The following MARCHF1 variants were observed in gnomAD, a reference collection of about 807,000 sequenced individuals.
MARCHF1 encodes the protein E3 ubiquitin-protein ligase MARCHF1.
Under a neutral mutation model 54.2 loss-of-function variants are expected in MARCHF1, and 40 were observed. The ratio of observed to expected loss-of-function variants is 0.74; its 90% CI spans 0.57 to 0.96. The LOEUF (loss-of-function observed/expected upper bound fraction) is 0.96. Among genes scored for constraint, MARCHF1 ranks in the 40% least tolerant of loss-of-function variants. MARCHF1 has a pLI of 0.00. For missense variants in MARCHF1, 586 were observed against 656.5 expected (o/e 0.89, Z 1.17); for synonymous variants, 236 against 236.3 (o/e 1.00, Z 0.01).
At chr4:164,096,483 G>A (rs1755415194) in intron 2 of MARCHF1, among the ~76,000 whole-genome samples, 1 of 151,914 alleles carries the variant, frequency 6.6e-6, no homozygotes, top group African/African-American at 2.4e-5. Context: ...CATTATCTGG[G>A]TGATGGAATA....
intron 5 of MARCHF1, among the ~76,000 whole-genome samples, chr4:163,633,166 G>A (rs1392333974): frequency 6.6e-6 from 1 of 152,154 alleles, no homozygotes; most frequent in African/African-American, 2.4e-5. Context: ...CAGAAAAACT[G>A]GAAACTCTAA....
chr4:163,674,941 T>A (rs191730673), intron 5 of MARCHF1, among the ~76,000 whole-genome samples: 143 of 152,244 alleles, frequency 9.4e-4, no homozygotes, highest in African/African-American at 3.3e-3. Context: ...TGCAAGATAA[T>A]GTTGAAGAAA....
chr4:163,783,886 C>A (rs1168225839), intron 4 of MARCHF1, among the ~76,000 whole-genome samples: 2 of 152,120 alleles, frequency 1.3e-5, no homozygotes, highest in African/African-American at 4.8e-5. Context: ...GAACTATAGG[C>A]TTGGTTGGCA....
Position 163,862,868 on chromosome 4 carries a change from T to C in MARCHF1, c.-38-8699A>G, listed in dbSNP as rs549870443. On this transcript the variant is annotated intron_variant, in intron 3 of 9. Transcript: ENST00000514618. ...CAAATTGTGGTACATTCATACATCATATTATTCAGTAATTAAAGGAAATTA... is the reference window on the plus strand; with the variant it reads ...CAAATTGTGGTACATTCATACATCACATTATTCAGTAATTAAAGGAAATTA... Among the ~76,000 whole-genome samples, 7 of 152,152 alleles carry C rather than the reference T, an allele frequency of 4.6e-5. No individual in the cohort carries two copies. In the South Asian group the frequency reaches 1.2e-3, roughly 27 times the overall value.
intron 1 of MARCHF1, among the ~76,000 whole-genome samples, chr4:164,194,973 C>T (rs1047650344): frequency 6.6e-6 from 1 of 151,354 alleles, no homozygotes; most frequent in Non-Finnish European, 1.5e-5. Context: ...TAGACCCCCA[C>T]CCCCTGACAG....
At chr4:163,690,497 G>A (rs552643109) in intron 5 of MARCHF1, among the ~76,000 whole-genome samples, 31 of 152,240 alleles carry the variant, frequency 2.0e-4, no homozygotes, top group African/African-American at 7.2e-4. Flanking sequence ...GTTGTTGTTC[G>A]AGAGATGGAG....
intron 5 of MARCHF1, 156 bp from the exon 6 acceptor site, chr4:163,613,549 GT>G (rs1279794062): frequency 3.2e-6 from 5 of 1,544,962 alleles, no homozygotes; most frequent in Non-Finnish European, 4.4e-6. Flanking sequence ...TTTGAGGTTG[GT>G]TTTGCAAAAG....
chr4:163,537,340 C>CA (rs1425341909), intron 9 of MARCHF1, among the ~76,000 whole-genome samples: 1 of 152,088 alleles, frequency 6.6e-6, no homozygotes, highest in Non-Finnish European at 1.5e-5. Context: ...ATGTACACCA[C>CA]AAAAAAGGAC....
chr4:164,078,734 C>T (rs1032156224), intron 2 of MARCHF1, among the ~76,000 whole-genome samples: 2 of 152,074 alleles, frequency 1.3e-5, no homozygotes, highest in African/African-American at 4.8e-5. Context: ...ACTATTTTAT[C>T]TTGTTTATTA....
chr4:163,613,178 G>GAA, intron 6 of MARCHF1, 136 bp downstream of exon 6: 1 of 1,234,944 alleles, frequency 8.1e-7, no homozygotes, highest in Non-Finnish European at 1.1e-6. Context: ...TGAACTAAAT[G>GAA]AAAAAAAATA....
intron 8 of MARCHF1, among the ~76,000 whole-genome samples, chr4:163,566,920 C>T: frequency 6.6e-6 from 1 of 152,064 alleles, no homozygotes; most frequent in Admixed American, 6.6e-5. Flanking sequence ...AAGTATAAAG[C>T]CATAATTTGT....
intron 5 of MARCHF1, among the ~76,000 whole-genome samples, chr4:163,614,467 C>T (rs1553900): frequency 0.079 from 12,002 of 151,828 alleles, 867 homozygotes; most frequent in East Asian, 0.2. Flanking sequence ...GCCTGTTTGA[C>T]TGCAGAGATG....
chr4:163,783,562 G>T (rs1489363901), intron 4 of MARCHF1, among the ~76,000 whole-genome samples: 1 of 152,192 alleles, frequency 6.6e-6, no homozygotes, highest in African/African-American at 2.4e-5. Flanking sequence ...CACCGTAGCT[G>T]CAAGAGAGCC....
At chr4:164,220,199 T>C (rs1415575684) in intron 1 of MARCHF1, among the ~76,000 whole-genome samples, 1 of 148,988 alleles carries the variant, frequency 6.7e-6, no homozygotes, top group Non-Finnish European at 1.5e-5. Context: ...TTTCCATATA[T>C]GTGTATATAT....
At chr4:164,303,926 G>C (rs545441018) in intron 1 of MARCHF1, among the ~76,000 whole-genome samples, 1 of 152,164 alleles carries the variant, frequency 6.6e-6, no homozygotes, top group Non-Finnish European at 1.5e-5. Flanking sequence ...TCGACACTCC[G>C]AGTGATGAAT....
chr4:163,883,746 G>A (rs1018318958), intron 3 of MARCHF1, among the ~76,000 whole-genome samples: 3 of 152,164 alleles, frequency 2.0e-5, no homozygotes, highest in Non-Finnish European at 4.4e-5. Flanking sequence ...ATACTCAAAT[G>A]TAACTGGGTG....
intron 2 of MARCHF1, among the ~76,000 whole-genome samples, chr4:164,000,458 A>T (rs957506225): frequency 6.6e-6 from 1 of 151,646 alleles, no homozygotes; most frequent in Non-Finnish European, 1.5e-5. Context: ...TAAAATATTC[A>T]GTAGATTCAA....
rs370315066 is a variant in MARCHF1, at chr4:163,578,116, C to G, written c.1191+7633G>C. Among the ~76,000 whole-genome samples, 6 of 151,916 alleles carry G rather than the reference C, an allele frequency of 3.9e-5. No homozygotes were observed. In the East Asian group the frequency reaches 1.2e-3, roughly 29 times the overall value. ...TAGATCATTGGAATATTGACTCCATCATTTTAAACATAGTTTATGTTTCAA... is the reference window on the plus strand; with the variant it reads ...TAGATCATTGGAATATTGACTCCATGATTTTAAACATAGTTTATGTTTCAA... On this transcript the variant is annotated intron_variant, in intron 8 of 9. Coordinates refer to ENST00000514618, the MANE Select transcript of MARCHF1 (RefSeq NM_001394959.1).
At chr4:163,611,186 T>A (rs1378663984) in intron 7 of MARCHF1, among the ~76,000 whole-genome samples, 3 of 152,104 alleles carry the variant, frequency 2.0e-5, no homozygotes, top group Non-Finnish European at 2.9e-5. Context: ...ACTATATTAT[T>A]TTCAATGTCT....
Sources: allele counts gnomAD v4.1 joint callset (sites outside exome capture counted in the v4.1 genomes callset), GRCh38; gene constraint gnomAD v4.1.1; transcripts MANE v1.5; gene names NCBI Gene and HGNC (gene_info 2026-07-23, HGNC 2026-07-21).